The following ITGAL variants were observed in gnomAD, a reference collection of about 807,000 sequenced individuals.
ITGAL encodes the protein integrin alpha-L.
A neutral mutation model predicts 138.4 loss-of-function variants in ITGAL; 68 were observed. The observed-to-expected ratio is 0.49, with a 90% confidence interval of 0.40 to 0.60. The LOEUF (loss-of-function observed/expected upper bound fraction) is 0.60, where lower values mean the gene tolerates loss of function less well. ITGAL is among the 20% of genes least tolerant of loss of function. The pLI, the probability that ITGAL is intolerant of heterozygous loss-of-function variation, is 0.00. For synonymous variants in ITGAL, 561 were observed against 584.3 expected, an observed-to-expected ratio of 0.96 and a Z score of 0.57; for missense variants, 1,256 against 1,478.6, an observed-to-expected ratio of 0.85 and a Z score of 2.47.
chr16:30,521,833 A>G lies in ITGAL; in HGVS notation c.*168A>G. 1.5e-6 allele frequency: 1 copy of G among 667,278 alleles called. No homozygotes were observed. The highest frequency in any genetic ancestry group is 2.5e-6 in the Non-Finnish European group (1 of 403,778). 41.3% of individuals were successfully genotyped at this position (667,278 alleles called of 1,614,324 possible). On this transcript the variant is annotated 3_prime_UTR_variant, in exon 31 of 31. Coordinates refer to ENST00000356798, the MANE Select transcript of ITGAL (RefSeq NM_002209.3). ...ACTCATTCCTGCCTGTCTCCTTTGC[A>G]GGCTCATAGGGAAGACCTGCTGAGG...
Position 30,517,504 on chromosome 16 carries a change from G to A in ITGAL, c.2977-145G>A. 1.4e-5 allele frequency: 10 copies of A among 694,710 alleles called. No homozygotes were observed. In the South Asian group the frequency reaches 1.6e-4, roughly 11 times the overall value. The allele number at this position is 694,710 out of a possible 1,614,324, so 43.0% of individuals were successfully genotyped here. A position where few individuals can be genotyped will look rare whatever the true frequency, so the allele number is the denominator to read the frequency against. Reference sequence around the variant, plus strand: ...GGGGGCAAGGCTGGGTGTATGGAGAGTAAGGATGGATGAATTCAGGTCCTG... The same window carrying A: ...GGGGGCAAGGCTGGGTGTATGGAGAATAAGGATGGATGAATTCAGGTCCTG... On this transcript the variant is annotated intron_variant, in intron 26 of 30. Coordinates refer to ENST00000356798, the MANE Select transcript of ITGAL (RefSeq NM_002209.3).
At chr16:30,496,335 G>T (rs2151158208) in intron 14 of ITGAL, 41 bp downstream of exon 14, 4 of 1,603,832 alleles carry the variant, frequency 2.5e-6, no homozygotes, top group Admixed American at 1.7e-5. Flanking sequence ...ATTCTCAGGT[G>T]CCCTAAGCCC....
intron 24 of ITGAL, among the ~76,000 whole-genome samples, chr16:30,513,420 T>A (rs2051118834): frequency 6.6e-6 from 1 of 152,028 alleles, no homozygotes; most frequent in Admixed American, 6.6e-5. Flanking sequence ...GCAGTGTGTG[T>A]TGGAAGGATG....
intron 21 of ITGAL, 47 bp from the exon 22 acceptor site, chr16:30,510,314 A>G (rs767028011): frequency 8.7e-6 from 10 of 1,146,900 alleles, no homozygotes; most frequent in South Asian, 8.6e-5. Context: ...TCTGGGGGAA[A>G]CTTGGCCTTG....
intron 17 of ITGAL, 86 bp downstream of exon 17, chr16:30,499,575 C>T (rs1409296788): frequency 5.3e-6 from 7 of 1,311,406 alleles, no homozygotes; most frequent in African/African-American, 1.4e-5. Flanking sequence ...TGACACGTCA[C>T]TTCCATCCCT....
chr16:30,481,812 G>A (rs969690785), intron 7 of ITGAL, among the ~76,000 whole-genome samples: 1 of 152,216 alleles, frequency 6.6e-6, no homozygotes, highest in African/African-American at 2.4e-5. Flanking sequence ...TGCACAGTCT[G>A]TAATCCCAGG....
chr16:30,504,363 G>C (rs1029576204), intron 18 of ITGAL, 99 bp downstream of exon 18: 46 of 912,896 alleles, frequency 5.0e-5, no homozygotes, highest in Middle Eastern at 5.1e-4. Context: ...TATAATCCCA[G>C]CACTTTGGGA....
chr16:30,494,512 A>G lies in ITGAL; in HGVS notation c.1365+149A>G. ...TTATCCCTCATAACACACAGAGGTA[A>G]GCCCTGTCATCTCCCTCTCTAGTTT... On this transcript the variant is annotated intron_variant, in intron 12 of 30. Coordinates refer to ENST00000356798, the MANE Select transcript of ITGAL (RefSeq NM_002209.3). The surrounding 1 kb of genome is among the most constrained non-coding windows in gnomAD (Gnocchi z 4.2). 1 of 1,103,710 alleles carries G rather than the reference A, an allele frequency of 9.1e-7. No individual in the cohort carries two copies. Among genetic ancestry groups the G allele is most frequent in the Non-Finnish European group, 1.3e-6 (1 of 788,156 alleles). 68.4% of individuals were successfully genotyped at this position (1,103,710 alleles called of 1,614,324 possible).
intron 9 of ITGAL, among the ~76,000 whole-genome samples, chr16:30,486,971 T>G (rs973698423): frequency 1.3e-5 from 2 of 151,564 alleles, no homozygotes; most frequent in Non-Finnish European, 2.9e-5. Context: ...AATTTTTAAA[T>G]TTTTTGTAGA....
intron 6 of ITGAL, chr16:30,481,236 C>G (rs1158434026): frequency 2.0e-6 from 1 of 509,212 alleles, no homozygotes. Flanking sequence ...ATCGCAGCTA[C>G]TTGGGAGGCT....
At chr16:30,483,518 G>A (rs940285610) in intron 7 of ITGAL, among the ~76,000 whole-genome samples, 1 of 152,112 alleles carries the variant, frequency 6.6e-6, no homozygotes, top group Non-Finnish European at 1.5e-5. Flanking sequence ...AAAGAGTGGT[G>A]GCCATGTGGT....
chr16:30,515,995 A>G (rs1414552570), intron 25 of ITGAL, among the ~76,000 whole-genome samples: 1 of 151,842 alleles, frequency 6.6e-6, no homozygotes, highest in Non-Finnish European at 1.5e-5. Flanking sequence ...AATCCTGTCC[A>G]TCTTTCACAG....
At position 30,499,326 on chromosome 16, in the gene ITGAL, C is replaced by A; in HGVS notation, c.1994-12C>A. ...CCCACCATTTAACTCTTGCCTTTTCCGCCCTGCCCAGGCCGCCTGGTTGCC... is the reference window on the plus strand; with the variant it reads ...CCCACCATTTAACTCTTGCCTTTTCAGCCCTGCCCAGGCCGCCTGGTTGCC... On this transcript the variant is annotated splice_polypyrimidine_tract_variant and intron_variant, in intron 16 of 30. Transcript: ENST00000356798. 5.0e-6 allele frequency: 8 copies of A among 1,613,980 alleles called. No homozygotes were observed. Among genetic ancestry groups the A allele is most frequent in the Non-Finnish European group, 6.8e-6 (8 of 1,179,876 alleles).
chr16:30,477,869 G>A (rs1157063873), intron 4 of ITGAL, among the ~76,000 whole-genome samples: 1 of 150,540 alleles, frequency 6.6e-6, no homozygotes, highest in Non-Finnish European at 1.5e-5. Flanking sequence ...CTGGGTGATG[G>A]GAGTGAGACC....
chr16:30,491,812 A>G (rs2151154257), intron 11 of ITGAL, among the ~76,000 whole-genome samples: 1 of 152,136 alleles, frequency 6.6e-6, no homozygotes, highest in Admixed American at 6.6e-5. Context: ...CTTTTTGTAG[A>G]TGAGAAAACT....
chr16:30,473,125 G>A (rs1411582179), intron 1 of ITGAL, among the ~76,000 whole-genome samples: 1 of 152,146 alleles, frequency 6.6e-6, no homozygotes, highest in Non-Finnish European at 1.5e-5. Flanking sequence ...AGAAGGGGCA[G>A]TGGGTTCTTT....
rs749211134 is a variant in ITGAL at position 30,475,327 on chromosome 16, G to A, written c.186G>A (p.Gly62=). The A allele has an allele frequency of 5.9e-5, 96 of 1,613,702 alleles. No homozygotes were observed. Among genetic ancestry groups the A allele is most frequent in the Non-Finnish European group, 8.0e-5 (94 of 1,179,752 alleles). The change falls in exon 3 of 31, where the codon GGG becomes GGA. Residue 62 remains glycine (G), a synonymous_variant. Coordinates refer to ENST00000356798, the MANE Select transcript of ITGAL (RefSeq NM_002209.3). ...CCAGGGTCATCGTGGGAGCTCCAGG[G>A]GAGGGGAACAGCACAGGAAGCCTCT... ...VGNGVIVGAP[G]EGNSTGSLYQ...
intron 1 of ITGAL, among the ~76,000 whole-genome samples, chr16:30,473,260 G>A (rs191978945): frequency 5.3e-5 from 8 of 152,182 alleles, no homozygotes; most frequent in Admixed American, 1.3e-4. Flanking sequence ...GCAAAACCTC[G>A]TCTCTACTAA....
Position 30,519,983 on chromosome 16 carries a change from G to T in ITGAL, c.3339+16G>T. The T allele has an allele frequency of 6.4e-7, 1 of 1,566,558 alleles. No homozygotes were observed. Among genetic ancestry groups the T allele is most frequent in the Non-Finnish European group, 8.8e-7 (1 of 1,142,566 alleles). ...GCTGTACAAGGTGGGTGCCTCCGGG[G>T]GTCACAGGCATTGCTGAGACAGCCA... On this transcript the variant is annotated intron_variant, in intron 30 of 30. Coordinates refer to ENST00000356798, the MANE Select transcript of ITGAL (RefSeq NM_002209.3).
Sources: allele counts gnomAD v4.1 joint callset (sites outside exome capture counted in the v4.1 genomes callset), GRCh38; gene constraint gnomAD v4.1.1; non-coding constraint Gnocchi (gnomAD v3.1); transcripts MANE v1.5; gene names NCBI Gene and HGNC (gene_info 2026-07-23, HGNC 2026-07-21).